Variants in BMP2K observed in about 807,000 individuals in gnomAD.
The protein encoded by BMP2K is BMP-2-inducible protein kinase.
In BMP2K, 74 loss-of-function variants were observed where a neutral mutation model predicts 116.0. The ratio of observed to expected loss-of-function variants is 0.64; its 90% CI spans 0.53 to 0.77. BMP2K has a LOEUF of 0.77. Ranked by LOEUF, BMP2K falls within the 30% of genes least tolerant of loss-of-function variation. The probability of loss-of-function intolerance (pLI) is 0.00; values close to 1 mark genes in which losing one functional copy is unlikely to be tolerated. For missense variants in BMP2K, 1,365 were observed against 1,403.6 expected (o/e 0.97, Z 0.44); for synonymous variants, 486 against 502.5 (o/e 0.97, Z 0.44).
intron 15 of BMP2K, among the ~76,000 whole-genome samples, chr4:78,900,854 A>G (rs1733962839): frequency 6.6e-6 from 1 of 152,212 alleles, no homozygotes; most frequent in African/African-American, 2.4e-5. Context: ...GCTATATGCA[A>G]ATGTTATGTT....
rs116281685 is a variant in BMP2K at position 78,818,142 on chromosome 4, A to G, written c.179-7895A>G. On this transcript the variant is annotated intron_variant, in intron 1 of 15. Transcript: ENST00000502613. ...AAAAAAAGATATATATATTTTTTAA[A>G]TTTAAGTTCTGGGATACACGTGTAT... Among the ~76,000 whole-genome samples, 680 of 152,294 alleles carry G rather than the reference A, an allele frequency of 4.5e-3. 2 individuals are homozygous for G. Among genetic ancestry groups the G allele is most frequent in the African/African-American group, 0.015 (643 of 41,558 alleles).
At chr4:78,839,539 A>G (rs10022801) in intron 3 of BMP2K, among the ~76,000 whole-genome samples, 2,901 of 152,306 alleles carry the variant, frequency 0.019, 84 homozygotes, top group African/African-American at 0.062. Flanking sequence ...CAATAATGCA[A>G]TCTACTACAG....
chr4:78,909,314 G>A (rs2110107297), intron 15 of BMP2K, among the ~76,000 whole-genome samples: 1 of 151,954 alleles, frequency 6.6e-6, no homozygotes, highest in East Asian at 1.9e-4. Context: ...GGGATTACAG[G>A]GGTGAGCCAC....
intron 3 of BMP2K, among the ~76,000 whole-genome samples, chr4:78,836,365 C>G (rs1730478261): frequency 6.6e-6 from 1 of 151,134 alleles, no homozygotes; most frequent in Non-Finnish European, 1.5e-5. Flanking sequence ...TGCAGTGAGC[C>G]AAGATCGCTC....
At chr4:78,842,299 T>C in intron 3 of BMP2K, 86 bp from the exon 4 acceptor site, 3 of 1,223,910 alleles carry the variant, frequency 2.5e-6, no homozygotes, top group Non-Finnish European at 3.3e-6. Flanking sequence ...TCCCATTACT[T>C]GAAGCCATAA....
intron 7 of BMP2K, among the ~76,000 whole-genome samples, chr4:78,856,398 C>T (rs940276299): frequency 4.6e-5 from 7 of 152,032 alleles, no homozygotes; most frequent in South Asian, 2.1e-4. Context: ...GATACCTCTG[C>T]GCACTCTAGA....
At chr4:78,820,589 G>T (rs1729569831) in intron 1 of BMP2K, among the ~76,000 whole-genome samples, 1 of 151,444 alleles carries the variant, frequency 6.6e-6, no homozygotes, top group South Asian at 2.1e-4. Context: ...TTTTTTTTCT[G>T]AGACGGAGTT....
chr4:78,841,015 A>G (rs927857264), intron 3 of BMP2K, among the ~76,000 whole-genome samples: 1 of 152,096 alleles, frequency 6.6e-6, no homozygotes, highest in Non-Finnish European at 1.5e-5. Flanking sequence ...CAAATGAGGG[A>G]GTGGTGGAAG....
chr4:78,905,401 GAAGA>G (rs1199345569), intron 15 of BMP2K, among the ~76,000 whole-genome samples: 1 of 151,758 alleles, frequency 6.6e-6, no homozygotes, highest in Non-Finnish European at 1.5e-5. Context: ...TAAAGAAAAA[GAAGA>G]AATACATTAC....
rs112412652 is a variant in BMP2K, at chr4:78,806,473, C to T, written c.179-19564C>T. On this transcript the variant is annotated intron_variant, in intron 1 of 15. Transcript: ENST00000502613. Reference sequence around the variant, plus strand: ...GATTACAGGTATGAGGTATCATGCCCGGTCTGTATGTATAAGATGACATCT... The same window carrying T: ...GATTACAGGTATGAGGTATCATGCCTGGTCTGTATGTATAAGATGACATCT... 2.0e-4 allele frequency among the ~76,000 whole-genome samples: 30 copies of T among 152,108 alleles called. 1 individual carries two copies. The highest frequency in any genetic ancestry group is 6.0e-4 in the African/African-American group (25 of 41,494).
At chr4:78,884,924 G>C (rs1348207791) in intron 14 of BMP2K, among the ~76,000 whole-genome samples, 3 of 152,054 alleles carry the variant, frequency 2.0e-5, no homozygotes, top group Non-Finnish European at 2.9e-5. Context: ...CTCTTTAATG[G>C]GTGTTTTGAC....
Position 78,776,491 on chromosome 4 carries a change from C to T in BMP2K, c.-53C>T. The T allele has an allele frequency of 2.7e-6, 3 of 1,118,930 alleles. No individual in the cohort carries two copies. The highest frequency in any genetic ancestry group is 4.3e-5 in the South Asian group (1 of 23,336). The allele number at this position is 1,118,930 out of a possible 1,614,324, so 69.3% of individuals were successfully genotyped here. A position where few individuals can be genotyped will look rare whatever the true frequency, so the allele number is the denominator to read the frequency against. On this transcript the variant is annotated 5_prime_UTR_variant, in exon 1 of 16. Coordinates refer to ENST00000502613, the MANE Select transcript of BMP2K (RefSeq NM_198892.2). ...CGCGGACGCCCGGCTGCGCGCCGGGCCGGGGACTTGCCCTTGCACGCTCCC... is the reference window on the plus strand; with the variant it reads ...CGCGGACGCCCGGCTGCGCGCCGGGTCGGGGACTTGCCCTTGCACGCTCCC...
chr4:78,815,588 T>C (rs868606622), intron 1 of BMP2K, among the ~76,000 whole-genome samples: 6 of 152,276 alleles, frequency 3.9e-5, no homozygotes, highest in Middle Eastern at 6.8e-3. Flanking sequence ...TTGTTCTTTT[T>C]CTTCCAATTT....
chr4:78,902,393 C>T (rs552257238), intron 15 of BMP2K, among the ~76,000 whole-genome samples: 1 of 151,902 alleles, frequency 6.6e-6, no homozygotes, highest in Non-Finnish European at 1.5e-5. Context: ...GGATTCTCTT[C>T]TTATACTCAA....
At chr4:78,877,638 A>G (rs1003357871) in intron 13 of BMP2K, among the ~76,000 whole-genome samples, 2 of 152,216 alleles carry the variant, frequency 1.3e-5, no homozygotes, top group Non-Finnish European at 2.9e-5. Context: ...TCGACTTTAA[A>G]TAAAATAAGT....
In BMP2K at chr4:78,912,013, C is replaced by T. The variant is rs1247177155; in HGVS notation, c.3466C>T (p.Pro1156Ser). The T allele has an allele frequency of 3.1e-6, 5 of 1,610,882 alleles. No individual in the cohort carries two copies. The South Asian group carries it at 4.4e-5, about 14-fold the overall frequency. Residue 1156 changes from proline (P) to serine (S), a missense_variant, in exon 16 of 16, where the codon CCA becomes TCA. By Grantham distance (74) the Pro-to-Ser change is moderately conservative. This residue lies in a region of BMP2K where 596 missense variants were observed against 623.2 expected (regional missense o/e 0.96). Transcript: ENST00000502613. ...PVELDPFGAAPFPSKQ is the reference protein window; with the variant it reads ...PVELDPFGAASFPSKQ Reference sequence around the variant, plus strand: ...CGAATTAGACCCATTTGGTGCTGCTCCATTTCCTTCTAAACAGTAGATACT... The same window carrying T: ...CGAATTAGACCCATTTGGTGCTGCTTCATTTCCTTCTAAACAGTAGATACT...
At chr4:78,796,399 G>A (rs531407720) in intron 1 of BMP2K, among the ~76,000 whole-genome samples, 44 of 117,736 alleles carry the variant, frequency 3.7e-4, no homozygotes, top group African/African-American at 1.3e-3. Flanking sequence ...GGTGGGGGGA[G>A]GGGGGAGGGA....
Position 78,914,218 on chromosome 4 carries a change from C to T in BMP2K, c.*2185C>T, listed in dbSNP as rs1464200700. On this transcript the variant is annotated 3_prime_UTR_variant, in exon 16 of 16. Coordinates refer to ENST00000502613, the MANE Select transcript of BMP2K (RefSeq NM_198892.2). ...TCCTTCAGATGTAAACATGAAATACCTAGAGTTTTACTTGCTTTTCAATAC... is the reference window on the plus strand; with the variant it reads ...TCCTTCAGATGTAAACATGAAATACTTAGAGTTTTACTTGCTTTTCAATAC... 6.6e-6 allele frequency: 1 copy of T among 151,910 alleles called. No individual in the cohort carries two copies. Among genetic ancestry groups the T allele is most frequent in the Non-Finnish European group, 1.5e-5 (1 of 67,924 alleles). 9.4% of individuals were successfully genotyped at this position (151,910 alleles called of 1,614,324 possible).
chr4:78,843,800 A>AT (rs535574096), intron 4 of BMP2K, among the ~76,000 whole-genome samples: 153 of 151,860 alleles, frequency 1.0e-3, no homozygotes, highest in African/African-American at 3.4e-3. Context: ...TAGTTCATTA[A>AT]TTTTTTTGCA....
Sources: allele counts gnomAD v4.1 joint callset (sites outside exome capture counted in the v4.1 genomes callset), GRCh38; gene constraint gnomAD v4.1.1; regional missense constraint gnomAD v4.1.1; transcripts MANE v1.5; gene names NCBI Gene and HGNC (gene_info 2026-07-23, HGNC 2026-07-21).